Variants in MYO9A observed in about 807,000 individuals in gnomAD.
The protein encoded by MYO9A is myosin IXA.
A neutral mutation model predicts 293.3 loss-of-function variants in MYO9A; 103 were observed. That is an observed-to-expected ratio of 0.35 (90% CI 0.30 to 0.41). MYO9A has a LOEUF of 0.41. Among genes scored for constraint, MYO9A ranks in the 10% least tolerant of loss-of-function variants. The pLI is 1.00. For synonymous variants in MYO9A, 1,001 were observed against 1,035.7 expected (o/e 0.97, Z 0.64); for missense variants, 2,685 against 3,033.0 (o/e 0.89, Z 2.69).
At chr15:71,882,275 TGAA>T (rs1220669453) in intron 28 of MYO9A, among the ~76,000 whole-genome samples, 2 of 152,188 alleles carry the variant, frequency 1.3e-5, no homozygotes, top group Non-Finnish European at 2.9e-5. Flanking sequence ...ATATCTCTGT[TGAA>T]GAAGTTGGTA....
At chr15:71,876,425 ATTTTTTTTTTTTTT>A (rs397854202) in intron 31 of MYO9A, among the ~76,000 whole-genome samples, 227 of 61,080 alleles carry the variant, frequency 3.7e-3, no homozygotes, top group African/African-American at 0.018. Context: ...CCTGGCTGGT[ATTTTTTTTTTTTTT>A]TTTTTTTTTT....
At position 71,904,484 on chromosome 15, in the gene MYO9A, C is replaced by T. The variant is rs559731830; in HGVS notation, c.2766+442G>A. ...CCTGGCCAACATGGCAAATCCTTGT[C>T]TCTACTAAAAATACAAAAATTAGCC... On this transcript the variant is annotated intron_variant, in intron 20 of 41. Coordinates refer to ENST00000356056, the MANE Select transcript of MYO9A (RefSeq NM_006901.4). 8.5e-5 allele frequency among the ~76,000 whole-genome samples: 13 copies of T among 152,294 alleles called. No individual in the cohort carries two copies. The East Asian group carries it at 1.7e-3, about 20-fold the overall frequency.
intron 28 of MYO9A, among the ~76,000 whole-genome samples, chr15:71,883,273 TA>T (rs201196549): frequency 0.011 from 1,704 of 152,332 alleles, 14 homozygotes; most frequent in Non-Finnish European, 0.018. Context: ...CTATTAGTTA[TA>T]ACCAGTAATA....
intron 8 of MYO9A, among the ~76,000 whole-genome samples, chr15:72,001,311 T>G (rs1332424310): frequency 6.6e-6 from 1 of 151,982 alleles, no homozygotes; most frequent in Non-Finnish European, 1.5e-5. Context: ...TCCCAGCACA[T>G]TAGGAGGCCA....
chr15:72,021,745 C>G (rs956330192), intron 4 of MYO9A, among the ~76,000 whole-genome samples: 2 of 152,154 alleles, frequency 1.3e-5, no homozygotes, highest in Non-Finnish European at 2.9e-5. Flanking sequence ...AAAGGAAAAG[C>G]TGGCTTTGAA....
At chr15:71,921,884 T>C (rs972748470) in intron 18 of MYO9A, among the ~76,000 whole-genome samples, 21 of 152,300 alleles carry the variant, frequency 1.4e-4, no homozygotes, top group African/African-American at 4.8e-4. Context: ...AACATATCCA[T>C]AGCCCCTAAT....
chr15:72,077,369 A>G (rs1596520865), intron 1 of MYO9A, among the ~76,000 whole-genome samples: 1 of 152,314 alleles, frequency 6.6e-6, no homozygotes, highest in African/African-American at 2.4e-5. Flanking sequence ...TGCAAAACAC[A>G]TATATGATAA....
At chr15:71,974,524 G>GA (rs2076089615) in intron 12 of MYO9A, among the ~76,000 whole-genome samples, 1 of 152,146 alleles carries the variant, frequency 6.6e-6, no homozygotes, top group African/African-American at 2.4e-5. Flanking sequence ...ACCTCAAAAA[G>GA]AAAAAACTTT....
At chr15:72,058,447 TA>T (rs2078782731) in intron 1 of MYO9A, among the ~76,000 whole-genome samples, 1 of 151,758 alleles carries the variant, frequency 6.6e-6, no homozygotes. Context: ...AATCAAGACC[TA>T]AAGAGCAAAA....
chr15:71,956,629 G>C (rs902129094), intron 14 of MYO9A, among the ~76,000 whole-genome samples: 1 of 150,216 alleles, frequency 6.7e-6, no homozygotes, highest in Non-Finnish European at 1.5e-5. Flanking sequence ...CTGGGCGACA[G>C]AGCGAGACTC....
rs1215891034 is a variant in MYO9A at position 72,117,672 on chromosome 15, G to T, written c.-72+8C>A. 2 of 396,458 alleles carry T rather than the reference G, an allele frequency of 5.0e-6. No homozygotes were observed. The highest frequency in any genetic ancestry group is 7.1e-5 in the East Asian group (2 of 27,994). The allele number at this position is 396,458 out of a possible 1,614,324, so 24.6% of individuals were successfully genotyped here. ...TGCAGGGCCGCTGGGCGCTTGGGCG[G>T]GTCTTACCTCGGGCTCCGCCGCGGT... is the stretch of plus-strand genomic sequence containing the variant. On this transcript the variant is annotated splice_region_variant and intron_variant, in intron 1 of 41. Transcript: ENST00000356056.
intron 18 of MYO9A, among the ~76,000 whole-genome samples, chr15:71,929,526 T>C (rs1271204943): frequency 1.3e-5 from 2 of 152,240 alleles, no homozygotes; most frequent in African/African-American, 4.8e-5. Flanking sequence ...ATTCTTTTTC[T>C]GCATGTGTTG....
chr15:71,873,149 T>C (rs1596077334), intron 32 of MYO9A, among the ~76,000 whole-genome samples: 1 of 151,750 alleles, frequency 6.6e-6, no homozygotes, highest in East Asian at 1.9e-4. Context: ...ACTCCCGACC[T>C]CAGGTGATCC....
chr15:72,027,301 T>C (rs753033902), intron 4 of MYO9A, among the ~76,000 whole-genome samples: 1 of 152,254 alleles, frequency 6.6e-6, no homozygotes, highest in Non-Finnish European at 1.5e-5. Flanking sequence ...AAACAAATCA[T>C]GAATTTACTT....
chr15:71,877,116 T>C (rs2056717295), intron 31 of MYO9A, among the ~76,000 whole-genome samples: 1 of 152,202 alleles, frequency 6.6e-6, no homozygotes, highest in African/African-American at 2.4e-5. Context: ...GTATTCTTGA[T>C]ATGAATAGGT....
intron 4 of MYO9A, among the ~76,000 whole-genome samples, chr15:72,025,663 G>A (rs2077644063): frequency 6.6e-6 from 1 of 152,100 alleles, no homozygotes; most frequent in African/African-American, 2.4e-5. Context: ...AAAAGAACTT[G>A]ACAGAACTAA....
chr15:71,826,492 A>G lies in MYO9A; in HGVS notation c.*88T>C. On this transcript the variant is annotated 3_prime_UTR_variant, in exon 42 of 42. Transcript: ENST00000356056. ...AGAGGCAGGACCACAATTAGGATTGACTATTGTGGACGAGGTGATGAAACG... is the reference window on the plus strand; with the variant it reads ...AGAGGCAGGACCACAATTAGGATTGGCTATTGTGGACGAGGTGATGAAACG... 3 of 1,243,110 alleles carry G rather than the reference A, an allele frequency of 2.4e-6. No homozygotes were observed. Among genetic ancestry groups the G allele is most frequent in the Non-Finnish European group, 3.4e-6 (3 of 890,176 alleles). 77.0% of individuals were successfully genotyped at this position (1,243,110 alleles called of 1,614,324 possible).
intron 18 of MYO9A, among the ~76,000 whole-genome samples, chr15:71,923,313 G>A (rs2098912060): frequency 6.6e-6 from 1 of 152,138 alleles, no homozygotes; most frequent in Non-Finnish European, 1.5e-5. Context: ...TGTTCAATCA[G>A]AGACACTGTC....
intron 18 of MYO9A, among the ~76,000 whole-genome samples, chr15:71,916,738 T>C (rs1185099575): frequency 2.0e-5 from 3 of 152,160 alleles, no homozygotes; most frequent in Non-Finnish European, 2.9e-5. Flanking sequence ...ATGGTTTAAG[T>C]TTACTAATAA....
Sources: allele counts gnomAD v4.1 joint callset (sites outside exome capture counted in the v4.1 genomes callset), GRCh38; gene constraint gnomAD v4.1.1; transcripts MANE v1.5; gene names NCBI Gene and HGNC (gene_info 2026-07-23, HGNC 2026-07-21).